The following F8 variants were observed in gnomAD, a reference collection of about 807,000 sequenced individuals.
F8 encodes the protein coagulation factor VIII.
In F8, 12 loss-of-function variants were observed where a neutral mutation model predicts 140.6. The observed-to-expected ratio is 0.09, with a 90% CI of 0.05 to 0.14. The LOEUF (loss-of-function observed/expected upper bound fraction) is 0.14, where lower values mean the gene tolerates loss of function less well. Ranked by LOEUF, F8 falls within the 10% of genes least tolerant of loss-of-function variation. F8 has a pLI of 1.00. For missense variants in F8, 1,354 were observed against 1,720.7 expected, an observed-to-expected ratio of 0.79 and a Z score of 3.77; for synonymous variants, 585 against 614.6, an observed-to-expected ratio of 0.95 and a Z score of 0.71.
At chrX:154,966,330 C>A in intron 8 of F8, 96 bp downstream of exon 8, 1 of 1,094,204 alleles carries the variant, frequency 9.1e-7, no homozygotes, top group Admixed American at 2.4e-5. Flanking sequence ...CTGTACCTAA[C>A]CTTAAACATG....
At chrX:154,843,038 C>A (rs1298589966) in intron 25 of F8, among the ~76,000 whole-genome samples, 2 of 111,650 alleles carry the variant, frequency 1.8e-5, no homozygotes, top group Non-Finnish European at 3.8e-5. Context: ...CGAGTGAGAA[C>A]ATGCGGTGTT....
rs782527399 is a variant in F8, at chrX:154,931,762, A to G, written c.2114-86T>C. On this transcript the variant is annotated intron_variant, in intron 13 of 25. Coordinates refer to ENST00000360256, the MANE Select transcript of F8 (RefSeq NM_000132.4). The stretch of plus-strand genomic sequence containing the variant: ...TAGAGGTTCTCTCCCATTCCCAGAT[A>G]AATGAAAAAATACTAGTCAGTATCA... 1.8e-5 allele frequency: 14 copies of G among 788,319 alleles called. No homozygotes were observed. The African/African-American group carries it at 2.9e-4, about 16-fold the overall frequency. 65.0% of individuals were successfully genotyped at this position (788,319 alleles called of 1,213,427 possible).
intron 25 of F8, among the ~76,000 whole-genome samples, chrX:154,838,448 A>G (rs1265801393): frequency 8.9e-6 from 1 of 112,091 alleles, no homozygotes; most frequent in South Asian, 3.7e-4. Context: ...CCTACAGTAG[A>G]AAGTCCAGCC....
At chrX:154,924,402 G>C (rs1235292430) in intron 14 of F8, among the ~76,000 whole-genome samples, 18 of 112,461 alleles carry the variant, frequency 1.6e-4, no homozygotes, top group Admixed American at 1.5e-3. Context: ...GGCTGAGGTG[G>C]TCTCAGATAG....
intron 14 of F8, among the ~76,000 whole-genome samples, chrX:154,919,280 CTCATGCCT>C (rs1377181305): frequency 1.8e-5 from 2 of 111,898 alleles, no homozygotes; most frequent in Admixed American, 9.4e-5. Context: ...CATCTTGTCT[CTCATGCCT>C]TCCATTCTGT....
At chrX:154,847,818 G>A (rs782278762) in intron 25 of F8, among the ~76,000 whole-genome samples, 31 of 113,057 alleles carry the variant, frequency 2.7e-4, no homozygotes, top group African/African-American at 9.3e-4. Context: ...GCTTTGTTCC[G>A]TTGCTGGCGA....
chrX:154,966,590 A>G lies in F8; in HGVS notation c.1107T>C (p.Leu369=), dbSNP rs372100091. Residue 369 remains leucine, a synonymous_variant, in exon 8 of 26, where the codon CTT becomes CTC. Transcript: ENST00000360256. ...TGACCACATCCATTTCAGAATCAGT[A>G]AGATCATCATCATAGTCTTCCGCTT... is the stretch of plus-strand genomic sequence containing the variant. ...NEEAEDYDDD[L]TDSEMDVVRF... 8.3e-7 allele frequency: 1 copy of G among 1,209,434 alleles called. No individual in the cohort carries two copies. The highest frequency in any genetic ancestry group is 1.1e-6 in the Non-Finnish European group (1 of 894,948).
At chrX:154,923,485 T>C (rs1207891599) in intron 14 of F8, among the ~76,000 whole-genome samples, 1 of 112,025 alleles carries the variant, frequency 8.9e-6, no homozygotes, top group African/African-American at 3.2e-5. Context: ...GGGGCAGATC[T>C]TTCCTATGCT....
chrX:155,013,140 C>T (rs1258970527), intron 1 of F8, among the ~76,000 whole-genome samples: 2 of 72,776 alleles, frequency 2.7e-5, no homozygotes, highest in Admixed American at 1.7e-4. Context: ...AGCGAGACTC[C>T]GTCTCAAAAA....
At chrX:154,910,575 A>T (rs1204362546) in intron 14 of F8, among the ~76,000 whole-genome samples, 2 of 112,120 alleles carry the variant, frequency 1.8e-5, no homozygotes, top group Non-Finnish European at 3.8e-5. Flanking sequence ...ATAATAATAA[A>T]AAAAGTCATC....
intron 5 of F8, among the ~76,000 whole-genome samples, chrX:154,986,066 GAAGT>G (rs2073557058): frequency 8.9e-6 from 1 of 112,264 alleles, no homozygotes; most frequent in Non-Finnish European, 1.9e-5. Flanking sequence ...GGGGATAACT[GAAGT>G]AAGTCAGACT....
In F8 at chrX:154,947,859, T is replaced by C; in HGVS notation, c.1952A>G (p.His651Arg). The C allele has an allele frequency of 8.3e-7, 1 of 1,211,386 alleles. No homozygotes were observed. Among genetic ancestry groups the C allele is most frequent in the Non-Finnish European group, 1.1e-6 (1 of 895,242 alleles). The change falls in exon 13 of 26, where the codon CAT becomes CGT. Residue 651 changes from histidine to arginine, a missense_variant. His to Arg is a conservative substitution (Grantham distance 29, BLOSUM62 0). Around this residue, in one of 4 missense-constraint regions of F8, gnomAD observed 252 missense variants for 338.5 expected, o/e 0.74. Coordinates refer to ENST00000360256, the MANE Select transcript of F8 (RefSeq NM_000132.4). ...TAGAATGTACCAGTATGCCACCTCATGCAAACAAACTGACAACTGCAAACT... is the reference window on the plus strand; with the variant it reads ...TAGAATGTACCAGTATGCCACCTCACGCAAACAAACTGACAACTGCAAACT... ...FDSLQLSVCL[H>R]EVAYWYILSI...
At chrX:155,009,589 G>T (rs1292397037) in intron 1 of F8, among the ~76,000 whole-genome samples, 3 of 110,259 alleles carry the variant, frequency 2.7e-5, no homozygotes, top group Admixed American at 9.7e-5. Flanking sequence ...ACAAAAATTA[G>T]CTGGGCGTGG....
chrX:154,927,588 A>C (rs374528777), intron 14 of F8, among the ~76,000 whole-genome samples: 2 of 112,326 alleles, frequency 1.8e-5, no homozygotes, highest in African/African-American at 6.5e-5. Flanking sequence ...GAATGGAAAA[A>C]AGGTGCTCGA....
At chrX:154,989,942 G>A (rs2073578652) in intron 4 of F8, among the ~76,000 whole-genome samples, 1 of 111,917 alleles carries the variant, frequency 8.9e-6, no homozygotes, top group Admixed American at 9.5e-5. Flanking sequence ...TTCCCCTATT[G>A]AATGGTTTTG....
intron 14 of F8, among the ~76,000 whole-genome samples, chrX:154,916,933 TTC>T (rs1285694572): frequency 9.0e-6 from 1 of 111,186 alleles, no homozygotes; most frequent in Non-Finnish European, 1.9e-5. Flanking sequence ...AGCTATAAAC[TTC>T]TCTCTTAGTA....
intron 13 of F8, among the ~76,000 whole-genome samples, chrX:154,938,918 T>C (rs1480411631): frequency 9.0e-6 from 1 of 110,758 alleles, no homozygotes; most frequent in Non-Finnish European, 1.9e-5. Context: ...ATTGATTATA[T>C]AAAACAATAA....
At chrX:154,901,901 G>C (rs1340671373) in intron 19 of F8, 150 bp downstream of exon 19, 2 of 534,665 alleles carry the variant, frequency 3.7e-6, no homozygotes, top group East Asian at 6.7e-5. Flanking sequence ...TGAGAACTCT[G>C]ATGATTTCTA....
At chrX:154,924,007 A>C (rs2124039593) in intron 14 of F8, among the ~76,000 whole-genome samples, 1 of 112,168 alleles carries the variant, frequency 8.9e-6, no homozygotes, top group East Asian at 2.8e-4. Flanking sequence ...TTCCTGCACA[A>C]GCTTTCTTTC....
Sources: allele counts gnomAD v4.1 joint callset (sites outside exome capture counted in the v4.1 genomes callset), GRCh38; gene constraint gnomAD v4.1.1; regional missense constraint gnomAD v4.1.1; transcripts MANE v1.5; gene names NCBI Gene and HGNC (gene_info 2026-07-23, HGNC 2026-07-21).